The following MSI1 variants were observed in gnomAD, a reference collection of about 807,000 sequenced individuals.
The protein encoded by MSI1 is RNA-binding protein Musashi homolog 1.
MSI1 carries 15 observed loss-of-function variants against 54.4 expected under a neutral mutation model. The ratio of observed to expected loss-of-function variants is 0.28; its 90% CI spans 0.18 to 0.42. The LOEUF is 0.42. Among genes scored for constraint, MSI1 ranks in the 20% least tolerant of loss-of-function variants. MSI1 has a pLI of 1.00. For synonymous variants in MSI1, 200 were observed against 196.5 expected, an observed-to-expected ratio of 1.02 and a Z score of -0.15; for missense variants, 304 against 506.0, an observed-to-expected ratio of 0.60 and a Z score of 3.83.
At chr12:120,357,466 T>C (rs563901122) in intron 8 of MSI1, among the ~76,000 whole-genome samples, 2 of 152,328 alleles carry the variant, frequency 1.3e-5, no homozygotes, top group East Asian at 3.9e-4. Flanking sequence ...TCTCTGTGCC[T>C]GCGCTCCATC....
At chr12:120,359,482 G>A (rs1875445659) in intron 6 of MSI1, among the ~76,000 whole-genome samples, 1 of 152,188 alleles carries the variant, frequency 6.6e-6, no homozygotes, top group Non-Finnish European at 1.5e-5. Context: ...TAAAAGGCCA[G>A]GAGGACAGCA....
Position 120,368,413 on chromosome 12 carries a change from C to A in MSI1, c.101-140G>T. ...GCGCGTTCTCCACTGCCGCCGCCCC[C>A]CACCGCCCTCGCCCCGTTCCCGCTG... On this transcript the variant is annotated intron_variant, in intron 2 of 14. Coordinates refer to ENST00000257552, the MANE Select transcript of MSI1 (RefSeq NM_002442.4). This position sits in a 1 kb window ranked among gnomAD's most constrained non-coding sequence, Gnocchi z 6.6. The A allele has an allele frequency of 1.2e-6, 1 of 854,192 alleles. No homozygotes were observed. Among genetic ancestry groups the A allele is most frequent in the Non-Finnish European group, 1.7e-6 (1 of 592,384 alleles). 52.9% of individuals were successfully genotyped at this position (854,192 alleles called of 1,614,324 possible).
chr12:120,353,976 AT>A (rs925803449), intron 9 of MSI1, among the ~76,000 whole-genome samples: 16 of 151,174 alleles, frequency 1.1e-4, no homozygotes, highest in African/African-American at 1.7e-4. Flanking sequence ...TTATATAATG[AT>A]TTTTTTTTCT....
chr12:120,350,702 G>A (rs1005088603), intron 11 of MSI1, among the ~76,000 whole-genome samples: 5 of 152,142 alleles, frequency 3.3e-5, no homozygotes, highest in African/African-American at 4.8e-5. Context: ...TGGCTGGCCC[G>A]AGTGAAGGTG....
chr12:120,364,373 C>G (rs1875887704), intron 5 of MSI1, among the ~76,000 whole-genome samples: 2 of 152,212 alleles, frequency 1.3e-5, no homozygotes, highest in African/African-American at 4.8e-5. Context: ...CTTCCAGAGG[C>G]CTGGACATCA....
chr12:120,368,155 G>A lies in MSI1; in HGVS notation c.182+37C>T, dbSNP rs1358119225. On this transcript the variant is annotated intron_variant, in intron 3 of 14. Coordinates refer to ENST00000257552, the MANE Select transcript of MSI1 (RefSeq NM_002442.4). The surrounding 1 kb of genome is among the most constrained non-coding windows in gnomAD (Gnocchi z 6.6). ...GGCAGTGAGTGGCGGGTGGAGGGGG[G>A]CGAGCCGGGAGCAGGAGGAGGGGGT... 34 of 1,582,222 alleles carry A rather than the reference G, an allele frequency of 2.1e-5. No individual in the cohort carries two copies. The highest frequency in any genetic ancestry group is 2.7e-5 in the Non-Finnish European group (31 of 1,163,614).
At chr12:120,351,455 G>C in intron 10 of MSI1, 55 bp from the exon 11 acceptor site, 2 of 1,540,370 alleles carry the variant, frequency 1.3e-6, no homozygotes, top group South Asian at 2.3e-5. Context: ...CCTTGGACAT[G>C]GCCCAGGGAG....
At chr12:120,344,542 A>G (rs1326370875) in intron 14 of MSI1, among the ~76,000 whole-genome samples, 1 of 151,844 alleles carries the variant, frequency 6.6e-6, no homozygotes, top group Non-Finnish European at 1.5e-5. Context: ...CATCTCTACA[A>G]AAAAATTTTT....
At chr12:120,347,837 G>A (rs939494965) in intron 11 of MSI1, among the ~76,000 whole-genome samples, 14 of 151,872 alleles carry the variant, frequency 9.2e-5, no homozygotes, top group Non-Finnish European at 2.1e-4. Flanking sequence ...GAGAAGCTGC[G>A]AAGGTTGCCC....
rs1032971638 is a variant in MSI1 at position 120,341,694 on chromosome 12, A to T, written c.*1433T>A. On this transcript the variant is annotated 3_prime_UTR_variant, in exon 15 of 15. Transcript: ENST00000257552. ...CAAAACACGAACAGCCGCGCATCTC[A>T]GTAACAAAGATTATTGCTTTGTGTT... 1 of 152,018 alleles carries T rather than the reference A, an allele frequency of 6.6e-6. No homozygotes were observed. Among genetic ancestry groups the T allele is most frequent in the African/African-American group, 2.4e-5 (1 of 41,258 alleles). 9.4% of individuals were successfully genotyped at this position (152,018 alleles called of 1,614,324 possible).
chr12:120,357,555 A>G (rs531121564), intron 8 of MSI1, among the ~76,000 whole-genome samples: 2 of 152,154 alleles, frequency 1.3e-5, no homozygotes, highest in South Asian at 4.2e-4. Flanking sequence ...GCCCAGGCTG[A>G]AGTGCAGTGG....
chr12:120,361,724 C>CG (rs930066891), intron 6 of MSI1, among the ~76,000 whole-genome samples: 3 of 147,986 alleles, frequency 2.0e-5, no homozygotes, highest in Non-Finnish European at 4.5e-5. Context: ...TCGATCCGGG[C>CG]GGGGGGCCCC....
rs367696966 is a variant in MSI1 at position 120,364,677 on chromosome 12, T to C, written c.309+37A>G. On this transcript the variant is annotated intron_variant, in intron 5 of 14. Coordinates refer to ENST00000257552, the MANE Select transcript of MSI1 (RefSeq NM_002442.4). ...GAAAATCACTGCCCAGCATTGCCCA[T>C]AGTAAGAGAGCTCCTCCCAGACATA... 21 of 1,558,342 alleles carry C rather than the reference T, an allele frequency of 1.3e-5. 1 individual carries two copies. In the South Asian group the frequency reaches 1.8e-4, roughly 14 times the overall value.
downstream of MSI1, among the ~76,000 whole-genome samples, chr12:120,340,363 C>T (rs1873626358): frequency 6.6e-6 from 1 of 152,302 alleles, no homozygotes. Context: ...GGAGTATAGG[C>T]GTGAGCCACC....
Position 120,368,828 on chromosome 12 carries a change from C to A in MSI1, c.100+5G>T. On this transcript the variant is annotated splice_donor_5th_base_variant and intron_variant, in intron 2 of 14. Transcript: ENST00000257552. The surrounding 1 kb of genome is among the most constrained non-coding windows in gnomAD (Gnocchi z 6.6). Reference sequence around the variant, plus strand: ...GGACCGGCGGGCGCTCCCGGGCTCGCTCACCCTGCGTAGTCTGCCAACTGA... The same window carrying A: ...GGACCGGCGGGCGCTCCCGGGCTCGATCACCCTGCGTAGTCTGCCAACTGA... The A allele has an allele frequency of 7.0e-7, 1 of 1,433,090 alleles. No homozygotes were observed. The highest frequency in any genetic ancestry group is 2.3e-5 in the Admixed American group (1 of 43,760). The allele number at this position is 1,433,090 out of a possible 1,614,324, so 88.8% of individuals were successfully genotyped here.
intron 7 of MSI1, 87 bp from the exon 8 acceptor site, chr12:120,357,985 C>T (rs1268984015): frequency 1.8e-6 from 2 of 1,109,204 alleles, no homozygotes; most frequent in South Asian, 1.3e-5. Context: ...TATCCCCGCT[C>T]CTCTCTCTCT....
intron 11 of MSI1, among the ~76,000 whole-genome samples, chr12:120,349,178 C>T (rs1874395076): frequency 6.6e-6 from 1 of 151,572 alleles, no homozygotes; most frequent in African/African-American, 2.4e-5. Context: ...TCACTGCGAC[C>T]TCTGCCTCCT....
chr12:120,349,961 C>A (rs959022367), intron 11 of MSI1, among the ~76,000 whole-genome samples: 1 of 152,226 alleles, frequency 6.6e-6, no homozygotes, highest in Non-Finnish European at 1.5e-5. Flanking sequence ...ACTGCGAGTT[C>A]TGTGAGATCA....
intron 6 of MSI1, 28 bp from the exon 7 acceptor site, chr12:120,359,081 C>A: frequency 6.4e-7 from 1 of 1,552,242 alleles, no homozygotes; most frequent in Non-Finnish European, 8.7e-7. Flanking sequence ...ATGGAGGACC[C>A]AGCAGATACC....
Sources: allele counts gnomAD v4.1 joint callset (sites outside exome capture counted in the v4.1 genomes callset), GRCh38; gene constraint gnomAD v4.1.1; non-coding constraint Gnocchi (gnomAD v3.1); transcripts MANE v1.5; gene names NCBI Gene and HGNC (gene_info 2026-07-23, HGNC 2026-07-21).